The following ADA2 variants were observed in gnomAD, a reference collection of about 807,000 sequenced individuals.
ADA2 encodes adenosine deaminase CECR1.
In ADA2, 29 loss-of-function variants were observed where a neutral mutation model predicts 44.2. That is an observed-to-expected ratio of 0.66 (90% CI 0.49 to 0.89). The LOEUF (loss-of-function observed/expected upper bound fraction) is 0.89. Among genes scored for constraint, ADA2 ranks in the 40% least tolerant of loss-of-function variants. The probability of loss-of-function intolerance (pLI) is 0.00; values close to 1 mark genes in which losing one functional copy is unlikely to be tolerated. For missense variants in ADA2, 637 were observed against 644.8 expected, an observed-to-expected ratio of 0.99 and a Z score of 0.13; for synonymous variants, 215 against 234.9, an observed-to-expected ratio of 0.92 and a Z score of 0.77.
chr22:17,199,350 C>A (rs539323100), intron 4 of ADA2, among the ~76,000 whole-genome samples: 1 of 152,126 alleles, frequency 6.6e-6, no homozygotes, highest in African/African-American at 2.4e-5. Flanking sequence ...TCCGATCCAA[C>A]CGCTCAGCAA....
At chr22:17,195,010 C>A (rs5992637) in intron 4 of ADA2, among the ~76,000 whole-genome samples, 68,059 of 151,584 alleles carry the variant, frequency 0.45, 16,119 homozygotes, top group East Asian at 0.78. Context: ...TCTGCACAAA[C>A]CAGCCTTATA....
chr22:17,208,782 A>G (rs1036379970), intron 2 of ADA2, among the ~76,000 whole-genome samples: 21 of 152,070 alleles, frequency 1.4e-4, no homozygotes, highest in African/African-American at 4.3e-4. Context: ...CAGCCTGGGC[A>G]ACAGAGTGAG....
intron 4 of ADA2, among the ~76,000 whole-genome samples, chr22:17,202,441 A>G (rs1379330744): frequency 6.6e-6 from 1 of 151,916 alleles, no homozygotes; most frequent in African/African-American, 2.4e-5. Context: ...TAATTTTTGT[A>G]TTTTTAGTAG....
At chr22:17,189,745 T>C in intron 6 of ADA2, 197 bp downstream of exon 6, 3 of 541,452 alleles carry the variant, frequency 5.5e-6, no homozygotes, top group Non-Finnish European at 1.0e-5. Context: ...GTGACAGCCG[T>C]CCCCTGTAGG....
In ADA2 at chr22:17,203,647, C is replaced by T. The variant is rs923375261; in HGVS notation, c.669G>A (p.Val223=). The part of the protein sequence containing the change: ...TISGLIHYAP[V]FRDYVFRSMQ... ...TGCTCCGGAAGACATAGTCTCTGAACACTGGTGCGTAATGGATGAGACCAG... is the reference window on the plus strand; with the variant it reads ...TGCTCCGGAAGACATAGTCTCTGAATACTGGTGCGTAATGGATGAGACCAG... Residue 223 remains valine, a synonymous_variant, in exon 4 of 10, where the codon GTG becomes GTA. Coordinates refer to ENST00000399837, the MANE Select transcript of ADA2 (RefSeq NM_001282225.2). 6.2e-7 allele frequency: 1 copy of T among 1,614,080 alleles called. No homozygotes were observed.
intron 5 of ADA2, 125 bp downstream of exon 5, chr22:17,191,558 T>C (rs1180192641): frequency 9.4e-7 from 1 of 1,068,386 alleles, no homozygotes; most frequent in African/African-American, 1.6e-5. Flanking sequence ...GCACAGCTCC[T>C]TGGCACCAGT....
chr22:17,220,117 TCTC>T (rs2062512397), upstream of ADA2, among the ~76,000 whole-genome samples: 2 of 152,102 alleles, frequency 1.3e-5, no homozygotes, highest in East Asian at 3.8e-4. Flanking sequence ...TCTGGGAAGT[TCTC>T]CTTCCTCAAA....
chr22:17,216,085 G>A (rs2062468587), intron 1 of ADA2, among the ~76,000 whole-genome samples: 1 of 152,122 alleles, frequency 6.6e-6, no homozygotes, highest in African/African-American at 2.4e-5. Flanking sequence ...TACACAGGAG[G>A]CTGAGGCAGG....
At chr22:17,182,088 G>A (rs1226191477) in intron 8 of ADA2, 66 bp from the exon 9 acceptor site, 15 of 1,313,276 alleles carry the variant, frequency 1.1e-5, no homozygotes, top group African/African-American at 1.0e-4. Flanking sequence ...CACAAGTGAG[G>A]TGAGACCTTG....
chr22:17,214,095 C>A, intron 1 of ADA2: 2 of 644,786 alleles, frequency 3.1e-6, no homozygotes, highest in Non-Finnish European at 5.8e-6. Flanking sequence ...GAGTGGAGGA[C>A]TTCAACAGAC....
At chr22:17,193,157 C>A in intron 4 of ADA2, 1 of 1,415,080 alleles carries the variant, frequency 7.1e-7, no homozygotes. Flanking sequence ...CATCAAGGAG[C>A]TGGAAGTGCT....
At chr22:17,197,269 C>CTTTT (rs113880994) in intron 4 of ADA2, among the ~76,000 whole-genome samples, 1 of 143,156 alleles carries the variant, frequency 7.0e-6, no homozygotes, top group Non-Finnish European at 1.5e-5. Context: ...TCTTTTTTTT[C>CTTTT]TTTTTTTTTT....
intron 4 of ADA2, among the ~76,000 whole-genome samples, chr22:17,194,715 C>T (rs2062168399): frequency 1.3e-5 from 2 of 151,892 alleles, no homozygotes; most frequent in Admixed American, 6.6e-5. Context: ...TTAAGGCTGC[C>T]AGAGCGTGCC....
At chr22:17,189,147 G>A (rs1390988996) in intron 6 of ADA2, among the ~76,000 whole-genome samples, 2 of 150,746 alleles carry the variant, frequency 1.3e-5, no homozygotes, top group African/African-American at 4.9e-5. Context: ...CTCCCAAGTA[G>A]CTGGGATTAC....
In ADA2 at chr22:17,203,626, C is replaced by G; in HGVS notation, c.690G>C (p.Arg230=). ...YAPVFRDYVF[R]SMQEFYEDNV... is the part of the protein sequence containing the mutation. ...TGTCCTCGTAGAACTCCTGCATGCTCCGGAAGACATAGTCTCTGAACACTG... is the reference window on the plus strand; with the variant it reads ...TGTCCTCGTAGAACTCCTGCATGCTGCGGAAGACATAGTCTCTGAACACTG... Residue 230 remains arginine (R), a synonymous_variant, in exon 4 of 10, where the codon CGG becomes CGC. Coordinates refer to ENST00000399837, the MANE Select transcript of ADA2 (RefSeq NM_001282225.2). The G allele has an allele frequency of 6.2e-7, 1 of 1,613,900 alleles. No individual in the cohort carries two copies. The highest frequency in any genetic ancestry group is 8.5e-7 in the Non-Finnish European group (1 of 1,180,006).
At chr22:17,186,707 A>G (rs1281116856) in intron 7 of ADA2, among the ~76,000 whole-genome samples, 1 of 151,878 alleles carries the variant, frequency 6.6e-6, no homozygotes, top group Non-Finnish European at 1.5e-5. Flanking sequence ...CATCTCTACT[A>G]AAAATACAAA....
chr22:17,204,533 C>G (rs1483554334), intron 3 of ADA2, among the ~76,000 whole-genome samples: 1 of 151,964 alleles, frequency 6.6e-6, no homozygotes, highest in Non-Finnish European at 1.5e-5. Context: ...TTGTTTGAAC[C>G]CTGGAAGTGG....
At chr22:17,210,654 G>A (rs1276029118) in intron 1 of ADA2, among the ~76,000 whole-genome samples, 1 of 151,710 alleles carries the variant, frequency 6.6e-6, no homozygotes, top group Admixed American at 6.6e-5. Flanking sequence ...CTGGACTGCA[G>A]TGACGTGATC....
At chr22:17,213,540 C>T (rs1378398589) in intron 1 of ADA2, 1 of 296,850 alleles carries the variant, frequency 3.4e-6, no homozygotes, top group East Asian at 1.3e-4. Context: ...ACAAAAAGGA[C>T]TTCTAAAGCT....
Sources: gnomAD v4.1 joint callset for allele counts (sites outside exome capture counted in the v4.1 genomes callset) on GRCh38, gnomAD v4.1.1 for gene constraint, MANE v1.5 for transcripts, NCBI Gene and HGNC (gene_info 2026-07-23, HGNC 2026-07-21) for gene names.